ITGA9: variants seen among roughly 807,000 people sequenced by gnomAD.
ITGA9 encodes the protein integrin alpha-9.
A neutral mutation model predicts 127.8 loss-of-function variants in ITGA9; 56 were observed. The ratio of observed to expected loss-of-function variants is 0.44; its 90% CI spans 0.35 to 0.55. The LOEUF (loss-of-function observed/expected upper bound fraction) is 0.55, where lower values mean the gene tolerates loss of function less well. ITGA9 is among the 20% of genes least tolerant of loss of function. The pLI is 0.00. For synonymous variants in ITGA9, 508 were observed against 514.5 expected, an observed-to-expected ratio of 0.99 and a Z score of 0.17; for missense variants, 1,196 against 1,347.1, an observed-to-expected ratio of 0.89 and a Z score of 1.76.
chr3:37,748,239 G>A (rs1223567900), intron 22 of ITGA9: 5 of 476,226 alleles, frequency 1.0e-5, no homozygotes, highest in African/African-American at 2.0e-5. Flanking sequence ...TAGACATCAA[G>A]GGAATGGGTA....
At position 37,533,406 on chromosome 3, in the gene ITGA9, T is replaced by C; in HGVS notation, c.1466T>C (p.Val489Ala). Residue 489 changes from valine (V) to alanine (A), a missense_variant, in exon 14 of 28, where the codon GTG (valine) becomes GCG (alanine). Transcript: ENST00000264741. ...CAGTGTCACGACGGACAGCAGCCTG[T>C]GAACTGCCTGAACGTCACCACCTGC... Reference protein sequence around the residue: ...APQCHDGQQPVNCLNVTTCFS... With the variant: ...APQCHDGQQPANCLNVTTCFS... The C allele has an allele frequency of 6.2e-7, 1 of 1,614,168 alleles. No individual in the cohort carries two copies.
At chr3:37,627,397 A>G (rs1365278386) in intron 15 of ITGA9, among the ~76,000 whole-genome samples, 1 of 151,902 alleles carries the variant, frequency 6.6e-6, no homozygotes, top group African/African-American at 2.4e-5. Context: ...CTGCTGCGGG[A>G]GATTTCCAGT....
At chr3:37,539,290 T>C (rs756554438) in intron 14 of ITGA9, among the ~76,000 whole-genome samples, 7 of 152,192 alleles carry the variant, frequency 4.6e-5, no homozygotes, top group African/African-American at 9.7e-5. Flanking sequence ...GTGCATGTGG[T>C]TGATACACAA....
chr3:37,791,047 G>C (rs1001985455), intron 26 of ITGA9: 1 of 152,058 alleles, frequency 6.6e-6, no homozygotes, highest in East Asian at 1.9e-4. Context: ...ATCTGTCTTC[G>C]TGCAGCCATA....
At chr3:37,558,583 T>C (rs1699453615) in intron 15 of ITGA9, among the ~76,000 whole-genome samples, 1 of 152,206 alleles carries the variant, frequency 6.6e-6, no homozygotes, top group African/African-American at 2.4e-5. Context: ...TCATTAATAG[T>C]TCTCTATTTC....
chr3:37,545,368 C>CT (rs1018314300), intron 15 of ITGA9, among the ~76,000 whole-genome samples: 2 of 151,732 alleles, frequency 1.3e-5, no homozygotes, highest in Non-Finnish European at 1.5e-5. Context: ...CTATTCCAAT[C>CT]TTTTTTTTTC....
At chr3:37,723,615 G>A (rs923141925) in intron 18 of ITGA9, among the ~76,000 whole-genome samples, 10 of 152,188 alleles carry the variant, frequency 6.6e-5, no homozygotes, top group Non-Finnish European at 1.0e-4. Flanking sequence ...ACCTGCCTTG[G>A]CCTCCCAAGG....
intron 15 of ITGA9, among the ~76,000 whole-genome samples, chr3:37,611,973 C>T (rs914164944): frequency 2.0e-5 from 3 of 152,048 alleles, no homozygotes; most frequent in East Asian, 1.9e-4. Context: ...AACATCTATC[C>T]AGGACCAAAT....
intron 26 of ITGA9, among the ~76,000 whole-genome samples, chr3:37,794,050 C>T (rs1012648323): frequency 1.3e-4 from 20 of 152,184 alleles, no homozygotes; most frequent in Non-Finnish European, 1.9e-4. Flanking sequence ...GCTCAGTGTG[C>T]GTGTCCATGT....
intron 5 of ITGA9, among the ~76,000 whole-genome samples, chr3:37,502,761 A>G (rs1167749750): frequency 2.6e-5 from 4 of 152,048 alleles, no homozygotes; most frequent in Admixed American, 2.6e-4. Context: ...GGGGGAGTTG[A>G]ATGGTGAGCC....
chr3:37,578,250 A>G (rs1699671851), intron 15 of ITGA9, among the ~76,000 whole-genome samples: 1 of 152,136 alleles, frequency 6.6e-6, no homozygotes, highest in South Asian at 2.1e-4. Flanking sequence ...GTACTGCATG[A>G]TGTTGCTAAA....
Position 37,776,770 on chromosome 3 carries a change from T to G in ITGA9, c.2542-622T>G, listed in dbSNP as rs1253753968. Among the ~76,000 whole-genome samples the G allele has an allele frequency of 5.9e-5, 9 of 152,190 alleles. 1 individual carries two copies. In the South Asian group the frequency reaches 8.3e-4, roughly 14 times the overall value. ...ACCAAGAGCTCGGCAAGCATGCAGG[T>G]CCCCGTCTGGCTCAGGGCAGAGACT... On this transcript the variant is annotated intron_variant, in intron 23 of 27. Coordinates refer to ENST00000264741, the MANE Select transcript of ITGA9 (RefSeq NM_002207.3).
intron 16 of ITGA9, among the ~76,000 whole-genome samples, chr3:37,652,973 G>A (rs1575181334): frequency 1.3e-5 from 2 of 152,220 alleles, no homozygotes; most frequent in East Asian, 3.9e-4. Context: ...CTCCTGGCAA[G>A]CCTCCACAGA....
At chr3:37,758,936 C>T (rs1030385512) in intron 23 of ITGA9, among the ~76,000 whole-genome samples, 12 of 152,022 alleles carry the variant, frequency 7.9e-5, no homozygotes, top group Non-Finnish European at 2.9e-5. Context: ...GGGTGAAAAC[C>T]TTCCTAGATC....
chr3:37,531,240 G>A (rs1559529592), intron 13 of ITGA9, among the ~76,000 whole-genome samples: 1 of 152,126 alleles, frequency 6.6e-6, no homozygotes, highest in East Asian at 1.9e-4. Flanking sequence ...ATTAGCTCCG[G>A]GGCAGGTCCT....
intron 16 of ITGA9, among the ~76,000 whole-genome samples, chr3:37,643,994 A>G (rs1328946503): frequency 1.3e-5 from 2 of 152,134 alleles, no homozygotes; most frequent in African/African-American, 2.4e-5. Context: ...GCCTCTTCTG[A>G]CTAATTAACA....
chr3:37,810,423 CTT>C (rs560251485), intron 27 of ITGA9, among the ~76,000 whole-genome samples: 2 of 144,188 alleles, frequency 1.4e-5, no homozygotes, highest in African/African-American at 2.5e-5. Flanking sequence ...TAGTCTGTTT[CTT>C]TTTTTTTTTT....
rs187798058 is a variant in ITGA9 at position 37,547,895 on chromosome 3, A to C, written c.1689+5310A>C. Among the ~76,000 whole-genome samples, 207 of 152,304 alleles carry C rather than the reference A, an allele frequency of 1.4e-3. 7 individuals carry two copies. Among genetic ancestry groups the C allele is most frequent in the Admixed American group, 0.013 (204 of 15,298 alleles). Reference sequence around the variant, plus strand: ...TTTCAGCTATCCTATTTTTCTCCCAAAGGCAACCACAGTTCCATTTTCTTA... The same window carrying C: ...TTTCAGCTATCCTATTTTTCTCCCACAGGCAACCACAGTTCCATTTTCTTA... On this transcript the variant is annotated intron_variant, in intron 15 of 27. Transcript: ENST00000264741.
chr3:37,608,980 A>C (rs1473648789), intron 15 of ITGA9, among the ~76,000 whole-genome samples: 3 of 152,182 alleles, frequency 2.0e-5, no homozygotes, highest in Admixed American at 1.3e-4. Context: ...GTCATGCTGC[A>C]GTAAAGTATG....
Sources: allele counts gnomAD v4.1 joint callset (sites outside exome capture counted in the v4.1 genomes callset), GRCh38; gene constraint gnomAD v4.1.1; transcripts MANE v1.5; gene names NCBI Gene and HGNC (gene_info 2026-07-23, HGNC 2026-07-21).